Variants in HOOK2 observed in about 807,000 individuals in gnomAD.
The protein encoded by HOOK2 is protein Hook homolog 2.
HOOK2 carries 108 observed loss-of-function variants against 111.9 expected under a neutral mutation model. The observed-to-expected ratio is 0.96, with a 90% CI of 0.83 to 1.13. The LOEUF (loss-of-function observed/expected upper bound fraction) is 1.13, where lower values mean the gene tolerates loss of function less well. Among genes scored for constraint, HOOK2 ranks in the 50% most tolerant of loss-of-function variants. HOOK2 has a pLI of 0.00. For synonymous variants in HOOK2, 405 were observed against 394.3 expected, an observed-to-expected ratio of 1.03 and a Z score of -0.32; for missense variants, 978 against 951.3, an observed-to-expected ratio of 1.03 and a Z score of -0.37.
At chr19:12,764,697 G>T (rs1160034199) in intron 20 of HOOK2, 117 bp downstream of exon 20, 3 of 772,538 alleles carry the variant, frequency 3.9e-6, no homozygotes, top group African/African-American at 3.4e-5. Flanking sequence ...CTTATGGTGG[G>T]GTATGACAGG....
At chr19:12,767,102 C>T (rs991936623) in intron 14 of HOOK2, among the ~76,000 whole-genome samples, 3 of 152,060 alleles carry the variant, frequency 2.0e-5, no homozygotes, top group East Asian at 1.9e-4. Flanking sequence ...CAGGGGTGGA[C>T]GCTGGGGGAA....
intron 11 of HOOK2, 52 bp from the exon 12 acceptor site, chr19:12,768,175 G>A (rs1379483666): frequency 1.4e-6 from 2 of 1,455,982 alleles, no homozygotes; most frequent in African/African-American, 1.4e-5. Context: ...AGCAGGGGCA[G>A]GGGCTGAGTA....
chr19:12,791,655 CG>C lies in HOOK2; in HGVS notation n.42-17431del. On this transcript the variant is annotated intron_variant and non_coding_transcript_variant, in intron 3 of 3. Coordinates refer to the HOOK2 transcript ENST00000589765. This position sits in a 1 kb window ranked among gnomAD's most constrained non-coding sequence, Gnocchi z 7.0. ...GCTGCTACCCGCCCGCGCCAGCCCC[CG>C]AGAACGCGCGACCAGGCACCCAGTC... 2 of 718,034 alleles carry C rather than the reference CG, an allele frequency of 2.8e-6. No homozygotes were observed. Among genetic ancestry groups the C allele is most frequent in the Admixed American group, 6.9e-5 (2 of 28,894 alleles). The allele number at this position is 718,034 out of a possible 1,614,324, so 44.5% of individuals were successfully genotyped here. A position where few individuals can be genotyped will look rare whatever the true frequency, so the allele number is the denominator to read the frequency against.
chr19:12,768,503 G>T (rs765136703), intron 11 of HOOK2, among the ~76,000 whole-genome samples: 4 of 152,146 alleles, frequency 2.6e-5, no homozygotes, highest in Non-Finnish European at 5.9e-5. Flanking sequence ...TTATAAAATA[G>T]GCTTTATGGT....
chr19:12,766,163 T>A lies in HOOK2; in HGVS notation c.1451A>T (p.Glu484Val). Residue 484 changes from glutamate (E) to valine (V), a missense_variant, in exon 15 of 23, where the codon GAG (glutamate) becomes GTG (valine). Glu to Val is a moderately radical substitution (Grantham distance 121). Around this residue, in one of 5 missense-constraint regions of HOOK2, gnomAD observed 388 missense variants for 358.3 expected, o/e 1.08. Coordinates refer to ENST00000397668, the MANE Select transcript of HOOK2 (RefSeq NM_013312.3). The part of the protein sequence containing the change: ...QEAADRERQE[E>V]LQRHLEDANR... The stretch of plus-strand genomic sequence containing the variant: ...GGCATCCTCCAGGTGGCGCTGCAGC[T>A]CCTCCTGCCGCTCCCGGTCGGCCGC... The A allele has an allele frequency of 2.5e-6, 4 of 1,596,120 alleles. No homozygotes were observed. The highest frequency in any genetic ancestry group is 2.2e-5 in the South Asian group (2 of 90,668).
upstream of HOOK2, among the ~76,000 whole-genome samples, chr19:12,775,830 A>G (rs1968490902): frequency 6.7e-6 from 1 of 150,100 alleles, no homozygotes; most frequent in Non-Finnish European, 1.5e-5. Flanking sequence ...CCACCCTGTT[A>G]CACAAGCGCA....
rs1364510688 is a variant in HOOK2 at position 12,763,097 on chromosome 19, ATTGCT to A, written c.*180_*184del. 6 of 598,484 alleles carry A rather than the reference ATTGCT, an allele frequency of 1.0e-5. No homozygotes were observed. The African/African-American group carries it at 1.1e-4, about 11-fold the overall frequency. The allele number at this position is 598,484 out of a possible 1,614,324, so 37.1% of individuals were successfully genotyped here. ...AGAGAGAATCAACAACAAGAATCAC[ATTGCT>A]AAAAAGAACAGGCCTATATCTACCT... is the stretch of plus-strand genomic sequence containing the variant. On this transcript the variant is annotated 3_prime_UTR_variant, in exon 23 of 23. Transcript: ENST00000397668.
At chr19:12,765,613 G>C in intron 18 of HOOK2, 77 bp downstream of exon 18, 1 of 1,535,166 alleles carries the variant, frequency 6.5e-7, no homozygotes, top group Admixed American at 1.7e-5. Context: ...GCCAGGCATG[G>C]TGGCACATGC....
chr19:12,790,355 C>G lies in HOOK2; in HGVS notation n.42-16130G>C, dbSNP rs1487275377. Among the ~76,000 whole-genome samples the G allele has an allele frequency of 6.6e-6, 1 of 152,208 alleles. No homozygotes were observed. Among genetic ancestry groups the G allele is most frequent in the Non-Finnish European group, 1.5e-5 (1 of 68,030 alleles). ...CACACTTCCTGCCTCTGCGCTCTTT[C>G]CCCAGCCTGTTTCTAAGGAAGGGAG... is the stretch of plus-strand genomic sequence containing the variant. On this transcript the variant is annotated intron_variant and non_coding_transcript_variant, in intron 3 of 3. Transcript: ENST00000589765. The surrounding 1 kb of genome is among the most constrained non-coding windows in gnomAD (Gnocchi z 7.2).
Position 12,771,469 on chromosome 19 carries a change from C to G in HOOK2, c.528G>C (p.Arg176Ser). ...CAGCCTCCTCACTTAGGAAATAGTA[C>G]CTGCGGGACTGCAGAGATGAGGGGG... Reference protein sequence around the residue: ...TYGNFDSQSRRYYFLSEEAEE... With the variant: ...TYGNFDSQSRSYYFLSEEAEE... The change falls in exon 8 of 23, where the codon AGG becomes AGC. Residue 176 changes from arginine to serine, a missense_variant. By Grantham distance (110) the Arg-to-Ser change is moderately radical (BLOSUM62 -1). Transcript: ENST00000397668. The G allele has an allele frequency of 6.2e-7, 1 of 1,612,026 alleles. No individual in the cohort carries two copies. Among genetic ancestry groups the G allele is most frequent in the South Asian group, 1.1e-5 (1 of 90,476 alleles).
intron 18 of HOOK2, chr19:12,765,396 A>G (rs1014444506): frequency 5.1e-6 from 3 of 584,048 alleles, no homozygotes; most frequent in Non-Finnish European, 9.2e-6. Context: ...CAAGCACTCC[A>G]TCCAGCAGCC....
At chr19:12,789,657 C>T (rs1163818574) in intron 3 of HOOK2, among the ~76,000 whole-genome samples, 1 of 151,666 alleles carries the variant, frequency 6.6e-6, no homozygotes, top group Non-Finnish European at 1.5e-5. Flanking sequence ...CATCGGCCCG[C>T]CCTCTCCGCG....
In HOOK2 at chr19:12,771,194, T is replaced by A. The variant is rs570747526; in HGVS notation, c.726A>T (p.Gln242His). ...CCTCCTGCAACTGCTCCAGCTGGGA[T>A]TGCAGCAGCAGCAGCTTCTTGGCAG... is the stretch of plus-strand genomic sequence containing the variant. ...GLTAKKLLLL[Q>H]SQLEQLQEEN... The change falls in exon 9 of 23, where the codon CAA (glutamine) becomes CAT (histidine). Residue 242 changes from glutamine to histidine, a missense_variant. By Grantham distance (24) the Gln-to-His change is conservative. Transcript: ENST00000397668. The A allele has an allele frequency of 1.1e-5, 18 of 1,613,276 alleles. No homozygotes were observed. In the East Asian group the frequency reaches 3.8e-4, roughly 34 times the overall value.
intron 3 of HOOK2, among the ~76,000 whole-genome samples, chr19:12,788,428 CCTAT>C (rs1229827618): frequency 6.6e-6 from 1 of 152,134 alleles, no homozygotes; most frequent in Non-Finnish European, 1.5e-5. Context: ...TATTTCTCAG[CCTAT>C]CTATCTTAAG....
intron 3 of HOOK2, among the ~76,000 whole-genome samples, chr19:12,784,352 G>A (rs1968636646): frequency 1.3e-5 from 2 of 152,054 alleles, no homozygotes; most frequent in South Asian, 4.2e-4. Context: ...ACATACAGCT[G>A]GGTAAGATGA....
At position 12,767,433 on chromosome 19, in the gene HOOK2, C is replaced by G. The variant is rs745333638; in HGVS notation, c.1335G>C (p.Val445=). ...DPSLDPTSTP[V]DNLAAEILPA... Reference sequence around the variant, plus strand: ...GCAGGATCTCTGCGGCTAAGTTATCCACGGGTGTGGAGGTGGGATCCAGTG... The same window carrying G: ...GCAGGATCTCTGCGGCTAAGTTATCGACGGGTGTGGAGGTGGGATCCAGTG... The change falls in exon 14 of 23, where the codon GTG becomes GTC. Residue 445 remains valine, a synonymous_variant. Coordinates refer to ENST00000397668, the MANE Select transcript of HOOK2 (RefSeq NM_013312.3). The G allele has an allele frequency of 6.2e-7, 1 of 1,614,086 alleles. No homozygotes were observed. The highest frequency in any genetic ancestry group is 1.1e-5 in the South Asian group (1 of 91,080).
intron 3 of HOOK2, among the ~76,000 whole-genome samples, chr19:12,789,889 G>A (rs1434593068): frequency 2.0e-5 from 3 of 152,052 alleles, no homozygotes; most frequent in African/African-American, 7.2e-5. Flanking sequence ...GCAGATAGTC[G>A]GGTTCCCCGC....
At chr19:12,766,429 T>C in intron 14 of HOOK2, 189 bp from the exon 15 acceptor site, 1 of 650,012 alleles carries the variant, frequency 1.5e-6, no homozygotes, top group Non-Finnish European at 2.5e-6. Flanking sequence ...GACGGAGCTC[T>C]AAGCTGGGAT....
At position 12,786,057 on chromosome 19, in the gene HOOK2, G is replaced by C. The variant is rs1568380223; in HGVS notation, n.42-11832C>G. Among the ~76,000 whole-genome samples, 1 of 152,192 alleles carries C rather than the reference G, an allele frequency of 6.6e-6. No individual in the cohort carries two copies. Among genetic ancestry groups the C allele is most frequent in the East Asian group, 1.9e-4 (1 of 5,188 alleles). ...GCCCAACCATGTCAGCCTGGAGAGA[G>C]AGAAAGAGAGAGACTCTCCTTCCTG... is the stretch of plus-strand genomic sequence containing the variant. On this transcript the variant is annotated intron_variant and non_coding_transcript_variant, in intron 3 of 3. Coordinates refer to the HOOK2 transcript ENST00000589765. This position sits in a 1 kb window ranked among gnomAD's most constrained non-coding sequence, Gnocchi z 4.3.
Sources: gnomAD v4.1 joint callset for allele counts (sites outside exome capture counted in the v4.1 genomes callset) on GRCh38, gnomAD v4.1.1 for gene constraint, gnomAD v4.1.1 regional missense constraint, Gnocchi (gnomAD v3.1) non-coding constraint, MANE v1.5 for transcripts, NCBI Gene and HGNC (gene_info 2026-07-23, HGNC 2026-07-21) for gene names.